The following PHF6 variants were observed in gnomAD, a reference collection of about 807,000 sequenced individuals.
PHF6 encodes PHD-like zinc finger protein.
Under a neutral mutation model 34.0 loss-of-function variants are expected in PHF6, and 7 were observed. The ratio of observed to expected loss-of-function variants is 0.21; its 90% CI spans 0.12 to 0.39. The LOEUF is 0.39. Among genes scored for constraint, PHF6 ranks in the 10% least tolerant of loss-of-function variants. The pLI, the probability that PHF6 is intolerant of heterozygous loss-of-function variation, is 1.00. For synonymous variants in PHF6, 89 were observed against 88.4 expected (o/e 1.01, Z -0.04); for missense variants, 128 against 262.8 (o/e 0.49, Z 3.55).
At chrX:134,415,225 C>A in intron 8 of PHF6, 105 bp downstream of exon 8, 1 of 1,180,806 alleles carries the variant, frequency 8.5e-7, no homozygotes, top group Non-Finnish European at 1.1e-6. Context: ...TAAAGTAGTT[C>A]GTATGTTAAA....
At chrX:134,412,064 A>C (rs1284458738) in intron 5 of PHF6, among the ~76,000 whole-genome samples, 2 of 112,496 alleles carry the variant, frequency 1.8e-5, no homozygotes, top group African/African-American at 6.5e-5. Context: ...TTTTAGTGAA[A>C]TTCCATGTCT....
At position 134,427,696 on chromosome X, in the gene PHF6, C is replaced by T; in HGVS notation, c.*2036C>T. ...TTTGGTTGGCTAGATAAGTGGCTGA[C>T]TACCTGTTTTTCTCACTGTGGTGTG... On this transcript the variant is annotated 3_prime_UTR_variant, in exon 11 of 11. Transcript: ENST00000370803. 6.1e-6 allele frequency: 1 copy of T among 163,171 alleles called. No homozygotes were observed. The highest frequency in any genetic ancestry group is 1.2e-5 in the Non-Finnish European group (1 of 83,649). 13.4% of individuals were successfully genotyped at this position (163,171 alleles called of 1,213,427 possible). A position where few individuals can be genotyped will look rare whatever the true frequency, so the allele number is the denominator to read the frequency against.
chrX:134,403,919 A>G (rs113049036), intron 5 of PHF6, among the ~76,000 whole-genome samples: 43,570 of 110,838 alleles, frequency 0.39, 7,602 homozygotes, highest in Non-Finnish European at 0.55. Context: ...ATTCCTTTCA[A>G]AATATTACTG....
intron 9 of PHF6, among the ~76,000 whole-genome samples, chrX:134,421,420 T>C (rs370730110): frequency 8.9e-6 from 1 of 112,069 alleles, no homozygotes. Flanking sequence ...CATGATAGGA[T>C]TCTGTGGTGT....
intron 5 of PHF6, among the ~76,000 whole-genome samples, chrX:134,398,168 A>T (rs771714752): frequency 6.3e-5 from 7 of 111,785 alleles, no homozygotes; most frequent in African/African-American, 2.3e-4. Flanking sequence ...TCCAGTGAGG[A>T]GATGGCTTGA....
intron 5 of PHF6, among the ~76,000 whole-genome samples, chrX:134,412,807 T>C (rs1000047902): frequency 8.9e-6 from 1 of 112,560 alleles, no homozygotes; most frequent in Non-Finnish European, 1.9e-5. Flanking sequence ...TGCAACATAC[T>C]TTTTTTACTG....
At chrX:134,424,578 C>G (rs566567801) in intron 9 of PHF6, among the ~76,000 whole-genome samples, 1 of 111,989 alleles carries the variant, frequency 8.9e-6, no homozygotes, top group South Asian at 3.7e-4. Context: ...CTACAGTTGA[C>G]AGACTGTCTG....
Position 134,415,008 on chromosome X carries a change from T to C in PHF6, c.730-8T>C, listed in dbSNP as rs772708721. The C allele has an allele frequency of 8.3e-7, 1 of 1,202,959 alleles. No individual in the cohort carries two copies. The highest frequency in any genetic ancestry group is 1.8e-5 in the South Asian group (1 of 56,199). On this transcript the variant is annotated splice_region_variant and splice_polypyrimidine_tract_variant and intron_variant, in intron 7 of 10. Coordinates refer to ENST00000370803, the MANE Select transcript of PHF6 (RefSeq NM_001015877.2). ...GAATGTTAATTTTCCTGCATTTTTC[T>C]TCTCTAGTTGTTTTCTTCTGGCACA...
At chrX:134,406,110 C>CTTTCTTTCTTTCTTTCT (rs1556017668) in intron 5 of PHF6, among the ~76,000 whole-genome samples, 8 of 77,019 alleles carry the variant, frequency 1.0e-4, no homozygotes, top group Non-Finnish European at 1.5e-4. Flanking sequence ...TTCTTTCTTT[C>CTTTCTTTCTTTCTTTCT]TTTTTTTTTT....
At position 134,377,631 on chromosome X, in the gene PHF6, T is replaced by C. The variant is rs748760985; in HGVS notation, c.14T>C (p.Val5Ala). 1.2e-5 allele frequency: 15 copies of C among 1,208,159 alleles called. No individual in the cohort carries two copies. The highest frequency in any genetic ancestry group is 1.5e-5 in the Non-Finnish European group (13 of 894,399). ...AATTTAAAAATCATGTCAAGCTCAG[T>C]TGAACAGAAAAAAGGGCCTACAAGA... is the stretch of plus-strand genomic sequence containing the variant. MSSS[V>A]EQKKGPTRQR... The change falls in exon 2 of 11, where the codon GTT becomes GCT. Residue 5 changes from valine to alanine, a missense_variant. Around this residue, in one of 3 missense-constraint regions of PHF6, gnomAD observed 97 missense variants for 152.9 expected, o/e 0.63. Transcript: ENST00000370803.
At position 134,401,974 on chromosome X, in the gene PHF6, TTTTGTTTGTTTG is replaced by T. The variant is rs199723713; in HGVS notation, c.418+8042_418+8053del. On this transcript the variant is annotated intron_variant, in intron 5 of 10. Transcript: ENST00000370803. ...CTTTAATATTCACTTATTGGTTGTT[TTTTGTTTGTTTG>T]TTTGTTTGTTTGTTTGTTTTTTTGG... Among the ~76,000 whole-genome samples, 17 of 108,847 alleles carry T rather than the reference TTTTGTTTGTTTG, an allele frequency of 1.6e-4. No homozygotes were observed. The East Asian group carries it at 2.1e-3, about 13-fold the overall frequency. The allele number at this position is 108,847 out of a possible 115,157, so 94.5% of individuals were successfully genotyped here. A position where few individuals can be genotyped will look rare whatever the true frequency, so the allele number is the denominator to read the frequency against.
At chrX:134,403,455 A>G (rs972393979) in intron 5 of PHF6, among the ~76,000 whole-genome samples, 1 of 112,332 alleles carries the variant, frequency 8.9e-6, no homozygotes, top group Non-Finnish European at 1.9e-5. Context: ...TGAAGCTAGC[A>G]GAGGTTGGTT....
chrX:134,423,367 CTT>C (rs1412885802), intron 9 of PHF6, among the ~76,000 whole-genome samples: 1 of 111,833 alleles, frequency 8.9e-6, no homozygotes, highest in African/African-American at 3.2e-5. Context: ...AGATTTGTCT[CTT>C]TGCCATTTCA....
chrX:134,398,580 A>G (rs2077387932), intron 5 of PHF6, among the ~76,000 whole-genome samples: 2 of 111,902 alleles, frequency 1.8e-5, no homozygotes, highest in Admixed American at 1.9e-4. Context: ...CTAGAGTTGT[A>G]ACTACGGAGA....
chrX:134,383,533 T>A (rs913654765), intron 3 of PHF6, among the ~76,000 whole-genome samples: 2 of 111,869 alleles, frequency 1.8e-5, no homozygotes, highest in Non-Finnish European at 3.8e-5. Context: ...TTTACTCATG[T>A]CTTATGAAAT....
rs1003776853 is a variant in PHF6 at position 134,421,821 on chromosome X, A to AG, written c.969-3380_969-3379insG. ...TATTCGTTTGCTTTCTTTAAAAAAAAAAAAAAGATTTTCTTATCTATGCTG... is the reference window on the plus strand; with the variant it reads ...TATTCGTTTGCTTTCTTTAAAAAAAAGAAAAAAGATTTTCTTATCTATGCTG... On this transcript the variant is annotated intron_variant, in intron 9 of 10. Coordinates refer to ENST00000370803, the MANE Select transcript of PHF6 (RefSeq NM_001015877.2). 1.5e-4 allele frequency among the ~76,000 whole-genome samples: 17 copies of AG among 110,346 alleles called. No individual in the cohort carries two copies. In the Admixed American group the frequency reaches 1.6e-3, roughly 10 times the overall value.
At chrX:134,402,069 C>T (rs1029443391) in intron 5 of PHF6, among the ~76,000 whole-genome samples, 2 of 111,584 alleles carry the variant, frequency 1.8e-5, no homozygotes, top group African/African-American at 6.5e-5. Flanking sequence ...GATCTCAGCT[C>T]ACTGCAACCT....
chrX:134,417,470 C>A, intron 9 of PHF6, 168 bp downstream of exon 9: 1 of 471,069 alleles, frequency 2.1e-6, no homozygotes, highest in Non-Finnish European at 3.6e-6. Flanking sequence ...CCTCTGACTA[C>A]ATATCCCTGG....
At chrX:134,396,257 A>G (rs2077377125) in intron 5 of PHF6, among the ~76,000 whole-genome samples, 1 of 111,528 alleles carries the variant, frequency 9.0e-6, no homozygotes, top group Admixed American at 9.6e-5. Flanking sequence ...ATTGAGACTC[A>G]TGATCTGATG....
Sources: gnomAD v4.1 joint callset for allele counts (sites outside exome capture counted in the v4.1 genomes callset) on GRCh38, gnomAD v4.1.1 for gene constraint, gnomAD v4.1.1 regional missense constraint, MANE v1.5 for transcripts, NCBI Gene and HGNC (gene_info 2026-07-23, HGNC 2026-07-21) for gene names.